KAZN: variants seen among roughly 807,000 people sequenced by gnomAD.
The protein encoded by KAZN is kazrin, periplakin interacting protein.
A neutral mutation model predicts 87.4 loss-of-function variants in KAZN; 40 were observed. The ratio of observed to expected loss-of-function variants is 0.46; its 90% CI spans 0.36 to 0.60. The LOEUF (loss-of-function observed/expected upper bound fraction) is 0.60, where lower values mean the gene tolerates loss of function less well. Ranked by LOEUF, KAZN falls within the 20% of genes least tolerant of loss-of-function variation. The pLI, the probability that KAZN is intolerant of heterozygous loss-of-function variation, is 0.00. For missense variants in KAZN, 898 were observed against 1,073.9 expected (o/e 0.84, Z 2.29); for synonymous variants, 466 against 458.3 (o/e 1.02, Z -0.22).
chr1:15,076,527 C>T (rs11581663), intron 8 of KAZN, among the ~76,000 whole-genome samples: 9,572 of 152,206 alleles, frequency 0.063, 379 homozygotes, highest in African/African-American at 0.1. Context: ...AATGGAGAGA[C>T]GCATCCAAGA....
chr1:14,986,586 G>A (rs1207735923), intron 2 of KAZN, among the ~76,000 whole-genome samples: 1 of 152,150 alleles, frequency 6.6e-6, no homozygotes, highest in East Asian at 1.9e-4. Context: ...GGAGTGTGTG[G>A]GCCACTGAGT....
chr1:15,052,689 T>C (rs1513548), intron 4 of KAZN, among the ~76,000 whole-genome samples: 3,087 of 152,266 alleles, frequency 0.02, 115 homozygotes, highest in African/African-American at 0.069. Flanking sequence ...ACACGCGTCA[T>C]CTGCAGTTCC....
chr1:14,599,234 C>A lies in KAZN; in HGVS notation c.226+11C>A. Reference sequence around the variant, plus strand: ...AGCTTGGAGCGCAAGGTAGGATCGCCCCGGCGCCCAGGGCGGAGGAAGGCG... The same window carrying A: ...AGCTTGGAGCGCAAGGTAGGATCGCACCGGCGCCCAGGGCGGAGGAAGGCG... On this transcript the variant is annotated intron_variant, in intron 1 of 14. Transcript: ENST00000376030. This position sits in a 1 kb window ranked among gnomAD's most constrained non-coding sequence, Gnocchi z 4.4. The A allele has an allele frequency of 1.5e-6, 2 of 1,367,108 alleles. No homozygotes were observed. Among genetic ancestry groups the A allele is most frequent in the Non-Finnish European group, 1.9e-6 (2 of 1,063,862 alleles). 84.7% of individuals were successfully genotyped at this position (1,367,108 alleles called of 1,614,324 possible). A position where few individuals can be genotyped will look rare whatever the true frequency, so the allele number is the denominator to read the frequency against.
intron 1 of KAZN, among the ~76,000 whole-genome samples, chr1:14,720,037 GTGT>G (rs1162908897): frequency 6.6e-6 from 1 of 152,172 alleles, no homozygotes; most frequent in African/African-American, 2.4e-5. Flanking sequence ...TCTCCACCCT[GTGT>G]AGATGACACA....
chr1:15,046,090 G>T (rs774535764), intron 4 of KAZN, among the ~76,000 whole-genome samples: 2 of 152,182 alleles, frequency 1.3e-5, no homozygotes, highest in African/African-American at 2.4e-5. Flanking sequence ...CTGAGGTCAG[G>T]AGTTCGAGAC....
At chr1:14,700,414 T>C (rs1641858058) in intron 1 of KAZN, among the ~76,000 whole-genome samples, 1 of 151,104 alleles carries the variant, frequency 6.6e-6, no homozygotes, top group African/African-American at 2.4e-5. Flanking sequence ...GAGGTTGCAG[T>C]GAGCCGAGAT....
At chr1:14,636,445 C>T (rs187251123) in intron 1 of KAZN, among the ~76,000 whole-genome samples, 18 of 152,276 alleles carry the variant, frequency 1.2e-4, no homozygotes, top group Non-Finnish European at 2.1e-4. Flanking sequence ...GGATAGAGGG[C>T]TCTTTGTGTT....
intron 4 of KAZN, among the ~76,000 whole-genome samples, chr1:15,045,217 A>G (rs1283153366): frequency 1.3e-5 from 2 of 152,112 alleles, no homozygotes; most frequent in Non-Finnish European, 2.9e-5. Flanking sequence ...TTGTGGCTAG[A>G]GTAGGGGAAG....
intron 2 of KAZN, among the ~76,000 whole-genome samples, chr1:14,581,512 G>A (rs1046675919): frequency 6.6e-6 from 1 of 152,030 alleles, no homozygotes; most frequent in Non-Finnish European, 1.5e-5. Context: ...TTTGTCTCTG[G>A]ACAGCCTTTG....
intron 2 of KAZN, among the ~76,000 whole-genome samples, chr1:14,332,882 TTTTTTC>T (rs1310147445): frequency 6.6e-5 from 10 of 152,166 alleles, no homozygotes; most frequent in Admixed American, 2.0e-4. Context: ...TTTTTTGTTG[TTTTTTC>T]TTTTTAAGTT....
At chr1:15,109,896 T>A (rs1214511751) in intron 13 of KAZN, among the ~76,000 whole-genome samples, 1 of 152,000 alleles carries the variant, frequency 6.6e-6, no homozygotes, top group Non-Finnish European at 1.5e-5. Context: ...TGCTTGTGTG[T>A]ATATGTGTTT....
intron 2 of KAZN, among the ~76,000 whole-genome samples, chr1:14,288,232 T>C (rs1348894599): frequency 6.6e-6 from 1 of 152,216 alleles, no homozygotes; most frequent in Non-Finnish European, 1.5e-5. Context: ...TTCTATTGAT[T>C]GGAATAGTTT....
chr1:14,258,256 C>A (rs1338209037), intron 2 of KAZN, among the ~76,000 whole-genome samples: 2 of 144,526 alleles, frequency 1.4e-5, no homozygotes, highest in Non-Finnish European at 3.0e-5. Context: ...TTCTCTTTGA[C>A]CCAGGCTGGA....
intron 13 of KAZN, among the ~76,000 whole-genome samples, chr1:15,110,271 A>ATG (rs1282054018): frequency 6.8e-6 from 1 of 148,016 alleles, no homozygotes; most frequent in South Asian, 2.1e-4. Flanking sequence ...GTGTGTGTAT[A>ATG]TGTGTGTATG....
chr1:15,052,378 A>T (rs1302883537), intron 4 of KAZN, among the ~76,000 whole-genome samples: 1 of 152,166 alleles, frequency 6.6e-6, no homozygotes, highest in Non-Finnish European at 1.5e-5. Context: ...GTCAGATCTC[A>T]GGAGACTTAT....
chr1:14,958,629 G>A (rs887792717), intron 1 of KAZN, among the ~76,000 whole-genome samples: 57 of 152,192 alleles, frequency 3.7e-4, no homozygotes, highest in African/African-American at 1.3e-3. Context: ...CGGAGACCTG[G>A]TGACTCCAAA....
intron 1 of KAZN, among the ~76,000 whole-genome samples, chr1:14,747,824 A>C (rs1203753652): frequency 6.6e-6 from 1 of 152,228 alleles, no homozygotes; most frequent in African/African-American, 2.4e-5. Context: ...CATTCTCACC[A>C]GCAATGCATA....
At chr1:14,615,359 G>T (rs937716556) in intron 1 of KAZN, among the ~76,000 whole-genome samples, 2 of 152,132 alleles carry the variant, frequency 1.3e-5, no homozygotes, top group African/African-American at 4.8e-5. Context: ...GCATGGTGGC[G>T]CTCAACACCT....
At chr1:14,882,347 C>T (rs899121450) in intron 1 of KAZN, among the ~76,000 whole-genome samples, 5 of 152,208 alleles carry the variant, frequency 3.3e-5, no homozygotes, top group Non-Finnish European at 1.5e-5. Context: ...GACTCAGCGG[C>T]AGTAACATTG....
Sources: allele counts gnomAD v4.1 joint callset (sites outside exome capture counted in the v4.1 genomes callset), GRCh38; gene constraint gnomAD v4.1.1; non-coding constraint Gnocchi (gnomAD v3.1); transcripts MANE v1.5; gene names NCBI Gene and HGNC (gene_info 2026-07-23, HGNC 2026-07-21).